Variants in TSC22D1 observed in about 807,000 individuals in gnomAD.
TSC22D1 encodes TSC22 domain family protein 1.
Under a neutral mutation model 74.2 loss-of-function variants are expected in TSC22D1, and 9 were observed. The observed-to-expected ratio is 0.12, with a 90% CI of 0.07 to 0.21. The LOEUF is 0.21. Ranked by LOEUF, TSC22D1 falls within the 10% of genes least tolerant of loss-of-function variation. The probability of loss-of-function intolerance (pLI) is 1.00; values close to 1 mark genes in which losing one functional copy is unlikely to be tolerated. For missense variants in TSC22D1, 1,427 were observed against 1,304.7 expected, an observed-to-expected ratio of 1.09 and a Z score of -1.44; for synonymous variants, 586 against 492.5, an observed-to-expected ratio of 1.19 and a Z score of -2.51.
At position 44,455,858 on chromosome 13, in the gene TSC22D1, A is replaced by G. The variant is rs1043019056; in HGVS notation, c.2913-19763T>C. 2.9e-4 allele frequency among the ~76,000 whole-genome samples: 44 copies of G among 152,366 alleles called. 1 individual carries two copies. The highest frequency in any genetic ancestry group is 1.1e-3 in the African/African-American group (44 of 41,588). On this transcript the variant is annotated intron_variant, in intron 1 of 2. Transcript: ENST00000458659. ...TTTTAAATGCATAAGGATAGAGTAA[A>G]TATAAAAGAGACGTCAATTTCAATA...
chr13:44,441,492 AC>A lies in TSC22D1; in HGVS notation c.2913-5398del, dbSNP rs1426518934. The stretch of plus-strand genomic sequence containing the variant: ...AAAAGTTAACTTTATTGAGAAGGTA[AC>A]AGGAAGAAAAATTGCATGGCAGGAA... On this transcript the variant is annotated intron_variant, in intron 1 of 2. Coordinates refer to ENST00000458659, the MANE Select transcript of TSC22D1 (RefSeq NM_183422.4). Among the ~76,000 whole-genome samples, 9 of 152,232 alleles carry A rather than the reference AC, an allele frequency of 5.9e-5. No individual in the cohort carries two copies. The East Asian group carries it at 1.5e-3, about 26-fold the overall frequency.
upstream of TSC22D1, chr13:44,576,351 C>G (rs965002647): frequency 1.2e-5 from 5 of 413,662 alleles, no homozygotes; most frequent in African/African-American, 4.1e-5. Context: ...CTCACACCCC[C>G]CTTTATATTC....
chr13:44,454,822 T>C (rs1161547000), intron 1 of TSC22D1, among the ~76,000 whole-genome samples: 1 of 149,634 alleles, frequency 6.7e-6, no homozygotes, highest in Non-Finnish European at 1.5e-5. Flanking sequence ...ATCACCACTA[T>C]GAAAAGCAAA....
intron 1 of TSC22D1, among the ~76,000 whole-genome samples, chr13:44,524,608 G>A (rs372422302): frequency 1.3e-4 from 20 of 152,198 alleles, no homozygotes; most frequent in South Asian, 6.2e-4. Flanking sequence ...GTGCAATGGC[G>A]CGATCTTGGC....
intron 1 of TSC22D1, among the ~76,000 whole-genome samples, chr13:44,477,939 C>T (rs184484786): frequency 3.3e-5 from 5 of 152,100 alleles, no homozygotes; most frequent in African/African-American, 1.2e-4. Flanking sequence ...CTGCGCCCAG[C>T]CTGCTAATAG....
At chr13:44,567,732 G>A (rs1403851387) in intron 1 of TSC22D1, among the ~76,000 whole-genome samples, 5 of 152,044 alleles carry the variant, frequency 3.3e-5, no homozygotes, top group South Asian at 4.2e-4. Flanking sequence ...AAGAAGGTCC[G>A]TTATCCAAAT....
At chr13:44,446,068 T>C (rs549259084) in intron 1 of TSC22D1, among the ~76,000 whole-genome samples, 3 of 152,150 alleles carry the variant, frequency 2.0e-5, no homozygotes, top group Non-Finnish European at 4.4e-5. Context: ...CCACAAAAAT[T>C]TGGACATGAA....
intron 1 of TSC22D1, among the ~76,000 whole-genome samples, chr13:44,559,358 G>C (rs1882885720): frequency 6.6e-6 from 1 of 152,072 alleles, no homozygotes; most frequent in Admixed American, 6.6e-5. Flanking sequence ...TTATAAAGCA[G>C]CATTTTTTCC....
intron 1 of TSC22D1, among the ~76,000 whole-genome samples, chr13:44,563,453 A>G (rs1883175984): frequency 6.6e-6 from 1 of 152,184 alleles, no homozygotes; most frequent in Non-Finnish European, 1.5e-5. Context: ...ACTTCAATCC[A>G]AACTACAGAT....
intron 1 of TSC22D1, among the ~76,000 whole-genome samples, chr13:44,571,261 T>C (rs1385397782): frequency 6.6e-6 from 1 of 152,240 alleles, no homozygotes; most frequent in East Asian, 1.9e-4. Context: ...TGTCCCTTTC[T>C]AGAATTCCAT....
rs192389369 is a variant in TSC22D1, at chr13:44,446,299, T to C, written c.2913-10204A>G. Among the ~76,000 whole-genome samples the C allele has an allele frequency of 2.2e-3, 342 of 152,270 alleles. 2 individuals are homozygous for C. The highest frequency in any genetic ancestry group is 3.0e-3 in the Non-Finnish European group (207 of 68,030). ...ATATGATTCCATTTATGAGACATTC[T>C]AGAGTAGGTAAAACTATAGAGACAA... On this transcript the variant is annotated intron_variant, in intron 1 of 2. Transcript: ENST00000458659.
At chr13:44,455,697 A>T (rs984145939) in intron 1 of TSC22D1, among the ~76,000 whole-genome samples, 1 of 152,174 alleles carries the variant, frequency 6.6e-6, no homozygotes, top group African/African-American at 2.4e-5. Context: ...GGATAGTTTC[A>T]AGAAGCCATG....
intron 1 of TSC22D1, among the ~76,000 whole-genome samples, chr13:44,479,399 C>A (rs1878077116): frequency 6.8e-6 from 1 of 148,090 alleles, no homozygotes; most frequent in Non-Finnish European, 1.5e-5. Context: ...GACAATTCTT[C>A]TTCCAGCGTG....
chr13:44,465,694 C>T (rs1001355607), intron 1 of TSC22D1, among the ~76,000 whole-genome samples: 3 of 152,186 alleles, frequency 2.0e-5, no homozygotes, highest in African/African-American at 7.2e-5. Context: ...CAATTTGGGC[C>T]AGGCACAGTG....
chr13:44,517,943 A>T (rs559179078), intron 1 of TSC22D1, among the ~76,000 whole-genome samples: 2 of 138,462 alleles, frequency 1.4e-5, no homozygotes, highest in East Asian at 4.3e-4. Flanking sequence ...GCAGACACGG[A>T]CCTCCCAGGC....
At chr13:44,457,637 C>CAAAAAAAAAAAAAAA (rs10692086) in intron 1 of TSC22D1, among the ~76,000 whole-genome samples, 1 of 85,416 alleles carries the variant, frequency 1.2e-5, no homozygotes, top group Admixed American at 1.3e-4. Flanking sequence ...AAGCAAATAG[C>CAAAAAAAAAAAAAAA]AAAAAAAAAA....
At chr13:44,449,936 C>A (rs1875985709) in intron 1 of TSC22D1, among the ~76,000 whole-genome samples, 1 of 152,116 alleles carries the variant, frequency 6.6e-6, no homozygotes, top group African/African-American at 2.4e-5. Context: ...TTAGGCTTGG[C>A]ACCACAGTTA....
At chr13:44,552,971 T>C (rs1035425340) in intron 1 of TSC22D1, among the ~76,000 whole-genome samples, 5 of 151,934 alleles carry the variant, frequency 3.3e-5, no homozygotes, top group South Asian at 2.1e-4. Context: ...CTGGGCGACA[T>C]AGCGCGACTC....
At chr13:44,481,887 T>G (rs1349319645) in intron 1 of TSC22D1, among the ~76,000 whole-genome samples, 1 of 152,202 alleles carries the variant, frequency 6.6e-6, no homozygotes, top group Admixed American at 6.5e-5. Flanking sequence ...TAAAAAAAAT[T>G]CTGTATATTT....
Sources: gnomAD v4.1 joint callset for allele counts (sites outside exome capture counted in the v4.1 genomes callset) on GRCh38, gnomAD v4.1.1 for gene constraint, MANE v1.5 for transcripts, NCBI Gene and HGNC (gene_info 2026-07-23, HGNC 2026-07-21) for gene names.